The following UBE2V2 variants were observed in gnomAD, a reference collection of about 807,000 sequenced individuals.
UBE2V2 encodes the protein ubiquitin-conjugating enzyme E2 variant 2.
In UBE2V2, 9 loss-of-function variants were observed where a neutral mutation model predicts 17.2. The observed-to-expected ratio is 0.52, with a 90% CI of 0.32 to 0.91. UBE2V2 has a LOEUF of 0.91. Ranked by LOEUF, UBE2V2 falls within the 40% of genes least tolerant of loss-of-function variation. UBE2V2 has a pLI of 0.04. For missense variants in UBE2V2, 133 were observed against 182.6 expected (o/e 0.73, Z 1.56); for synonymous variants, 61 against 57.5 (o/e 1.06, Z -0.28).
upstream of UBE2V2, among the ~76,000 whole-genome samples, chr8:48,006,090 T>C (rs891887304): frequency 2.0e-5 from 3 of 152,252 alleles, no homozygotes; most frequent in African/African-American, 4.8e-5. Flanking sequence ...TCTTTGCCCA[T>C]GCCTACATCC....
At chr8:48,022,157 G>C (rs1271147002) in intron 1 of UBE2V2, among the ~76,000 whole-genome samples, 2 of 144,518 alleles carry the variant, frequency 1.4e-5, no homozygotes, top group African/African-American at 5.1e-5. Context: ...TTTTTTTTTG[G>C]AGACAGTGTC....
intron 1 of UBE2V2, among the ~76,000 whole-genome samples, chr8:48,034,206 C>T (rs1413076312): frequency 1.3e-5 from 2 of 150,084 alleles, no homozygotes; most frequent in African/African-American, 5.0e-5. Flanking sequence ...ACTGCATCCT[C>T]CACCTCCTGG....
chr8:48,049,275 A>G (rs541183332), intron 2 of UBE2V2, among the ~76,000 whole-genome samples: 4 of 152,318 alleles, frequency 2.6e-5, no homozygotes, highest in East Asian at 1.9e-4. Context: ...ATAGTATAAT[A>G]TGGGGTTTTC....
chr8:48,034,366 C>A (rs2091406229), intron 1 of UBE2V2, among the ~76,000 whole-genome samples: 2 of 152,122 alleles, frequency 1.3e-5, no homozygotes, highest in Non-Finnish European at 2.9e-5. Context: ...ACCTTGTGAT[C>A]CCCCTGCCTT....
At chr8:48,002,708 T>C in the UBE2V2 span, among the ~76,000 whole-genome samples, 3 of 152,062 alleles carry the variant, frequency 2.0e-5, no homozygotes, top group Non-Finnish European at 2.9e-5. Flanking sequence ...GGGGAGATGT[T>C]GGTCAAAGGA....
chr8:48,026,872 T>A (rs933748098), intron 1 of UBE2V2, among the ~76,000 whole-genome samples: 9 of 152,204 alleles, frequency 5.9e-5, no homozygotes, highest in African/African-American at 2.2e-4. Flanking sequence ...GCTGTAAACA[T>A]TTATGTACAC....
intron 2 of UBE2V2, among the ~76,000 whole-genome samples, chr8:48,045,442 T>C (rs997405912): frequency 3.3e-5 from 5 of 152,170 alleles, no homozygotes; most frequent in African/African-American, 9.7e-5. Context: ...ACATTATTCC[T>C]GTGTCTTTGG....
chr8:48,064,609 A>AT lies in UBE2V2; in HGVS notation c.*3785dup, dbSNP rs1802635920. 5 of 152,252 alleles carry AT rather than the reference A, an allele frequency of 3.3e-5. No homozygotes were observed. The South Asian group carries it at 1.0e-3, about 32-fold the overall frequency. The allele number at this position is 152,252 out of a possible 1,614,324, so 9.4% of individuals were successfully genotyped here. ...TTGAAAATAAAGATACACAATAAGTATTTTCTGAAGAGAAAATTAATGAAG... is the reference window on the plus strand; with the variant it reads ...TTGAAAATAAAGATACACAATAAGTATTTTTCTGAAGAGAAAATTAATGAAG... On this transcript the variant is annotated 3_prime_UTR_variant, in exon 4 of 4. Transcript: ENST00000523111.
At chr8:48,043,627 G>C (rs1033303752) in intron 2 of UBE2V2, 1 of 152,576 alleles carries the variant, frequency 6.6e-6, no homozygotes, top group Non-Finnish European at 1.5e-5. Flanking sequence ...AGGAGAAAAG[G>C]TGAGGAAATG....
chr8:48,008,415 G>C (rs368320411), upstream of UBE2V2: 105 of 1,558,490 alleles, frequency 6.7e-5, no homozygotes, highest in Non-Finnish European at 8.6e-5. Flanking sequence ...GCGACGGTTC[G>C]TGCGTGCGTG....
At chr8:48,028,101 C>G (rs1225786262) in intron 1 of UBE2V2, among the ~76,000 whole-genome samples, 1 of 152,142 alleles carries the variant, frequency 6.6e-6, no homozygotes, top group East Asian at 1.9e-4. Context: ...ATCTGCCTGC[C>G]TTGGCCTCCC....
rs374224676 is a variant in UBE2V2 at position 48,050,716 on chromosome 8, T to G, written c.291+738T>G. On this transcript the variant is annotated intron_variant, in intron 3 of 3. Transcript: ENST00000523111. ...AAAAAAAAAAAAAAAGAGATGATCA[T>G]TATTTCTCTTTGAATGTTACTTTTC... Among the ~76,000 whole-genome samples the G allele has an allele frequency of 1.6e-4, 25 of 151,764 alleles. No individual in the cohort carries two copies. The South Asian group carries it at 5.2e-3, about 32-fold the overall frequency.
the UBE2V2 span, among the ~76,000 whole-genome samples, chr8:48,001,509 G>A: frequency 6.6e-6 from 1 of 152,162 alleles, no homozygotes; most frequent in Non-Finnish European, 1.5e-5. Context: ...CTGAAGTGAA[G>A]GATCACTTGA....
intron 1 of UBE2V2, among the ~76,000 whole-genome samples, chr8:48,036,591 G>A (rs2091426842): frequency 6.6e-6 from 1 of 151,462 alleles, no homozygotes; most frequent in African/African-American, 2.4e-5. Flanking sequence ...GCACCACCAC[G>A]CCGGGCTAAT....
rs1014028322 is a variant in UBE2V2, at chr8:48,062,637, T to A, written c.*1809T>A. On this transcript the variant is annotated 3_prime_UTR_variant, in exon 4 of 4. Transcript: ENST00000523111. ...ATTAATAATTGACCTTGGCTGTATA[T>A]TAAAATAGTTACTTTTATAGTAGAG... is the stretch of plus-strand genomic sequence containing the variant. The A allele has an allele frequency of 1.3e-5, 2 of 151,738 alleles. No homozygotes were observed. The highest frequency in any genetic ancestry group is 2.9e-5 in the Non-Finnish European group (2 of 67,896). The allele number at this position is 151,738 out of a possible 1,614,324, so 9.4% of individuals were successfully genotyped here.
intron 1 of UBE2V2, among the ~76,000 whole-genome samples, chr8:48,018,874 A>G (rs1469715146): frequency 6.6e-6 from 1 of 152,050 alleles, no homozygotes; most frequent in Non-Finnish European, 1.5e-5. Context: ...TGCTAAATTG[A>G]CCCCTTTGTT....
chr8:48,002,643 G>C, the UBE2V2 span, among the ~76,000 whole-genome samples: 1 of 151,216 alleles, frequency 6.6e-6, no homozygotes, highest in African/African-American at 2.4e-5. Context: ...GAGGGGAGGG[G>C]AAAGGAAAAA....
chr8:48,034,943 C>A, intron 1 of UBE2V2: 1 of 875,466 alleles, frequency 1.1e-6, no homozygotes. Context: ...TCCCTGCAGC[C>A]TCTCCAGGTG....
chr8:48,001,998 A>C, the UBE2V2 span, among the ~76,000 whole-genome samples: 1 of 152,068 alleles, frequency 6.6e-6, no homozygotes. Context: ...CTGAGGCAGG[A>C]GAATCGCTTG....
Sources: gnomAD v4.1 joint callset for allele counts (sites outside exome capture counted in the v4.1 genomes callset) on GRCh38, gnomAD v4.1.1 for gene constraint, MANE v1.5 for transcripts, NCBI Gene and HGNC (gene_info 2026-07-23, HGNC 2026-07-21) for gene names.